Variants in LRRTM4 observed in about 807,000 individuals in gnomAD.
LRRTM4 encodes the protein leucine-rich repeat transmembrane neuronal protein 4.
Under a neutral mutation model 47.6 loss-of-function variants are expected in LRRTM4, and 25 were observed. The observed-to-expected ratio is 0.53, with a 90% CI of 0.38 to 0.73. LRRTM4 has a LOEUF of 0.73. Among genes scored for constraint, LRRTM4 ranks in the 30% least tolerant of loss-of-function variants. LRRTM4 has a pLI of 0.00. For synonymous variants in LRRTM4, 311 were observed against 269.5 expected, an observed-to-expected ratio of 1.15 and a Z score of -1.51; for missense variants, 638 against 713.4, an observed-to-expected ratio of 0.89 and a Z score of 1.20.
rs747917631 is a variant in LRRTM4 at position 77,282,274 on chromosome 2, G to A, written c.1551+236044C>T. Among the ~76,000 whole-genome samples the A allele has an allele frequency of 5.9e-5, 9 of 151,508 alleles. 1 individual carries two copies. The highest frequency in any genetic ancestry group is 2.0e-4 in the Admixed American group (3 of 15,138). On this transcript the variant is annotated intron_variant, in intron 3 of 3. Coordinates refer to ENST00000409884, the MANE Select transcript of LRRTM4 (RefSeq NM_001134745.3). ...TGGTGTATAAAAATGCCACTTATTT[G>A]TGTATACGCATTTTGTATCCTGAAA...
In LRRTM4 at chr2:76,764,104, T is replaced by C. The variant is rs1673362369; in HGVS notation, c.1552-15188A>G. ...AAACTGAATATTTAGCTAAGGAGAT[T>C]TCTAAGCAAAATATTGCAAGTGAAT... On this transcript the variant is annotated intron_variant, in intron 3 of 3. Coordinates refer to ENST00000409884, the MANE Select transcript of LRRTM4 (RefSeq NM_001134745.3). Among the ~76,000 whole-genome samples the C allele has an allele frequency of 2.6e-5, 4 of 152,264 alleles. No homozygotes were observed. In the South Asian group the frequency reaches 8.3e-4, roughly 32 times the overall value.
chr2:77,362,170 A>AAGGAAGGAAGG (rs1672263551), intron 3 of LRRTM4, among the ~76,000 whole-genome samples: 41 of 133,614 alleles, frequency 3.1e-4, no homozygotes, highest in East Asian at 6.8e-4. Context: ...AGAAAGAAAG[A>AAGGAAGGAAGG]AAGGAAGGAA....
chr2:77,169,816 A>G (rs1672993640), intron 3 of LRRTM4, among the ~76,000 whole-genome samples: 1 of 152,062 alleles, frequency 6.6e-6, no homozygotes, highest in South Asian at 2.1e-4. Context: ...AGTAACACAA[A>G]GTAGACTAAG....
chr2:77,370,100 C>T (rs965832668), intron 3 of LRRTM4, among the ~76,000 whole-genome samples: 13 of 151,596 alleles, frequency 8.6e-5, no homozygotes, highest in Admixed American at 6.6e-4. Context: ...AAGTCTGACT[C>T]GGGGAAAACC....
intron 3 of LRRTM4, among the ~76,000 whole-genome samples, chr2:77,105,318 T>A (rs925841588): frequency 1.3e-5 from 2 of 152,046 alleles, no homozygotes. Flanking sequence ...ATCCAGTCTA[T>A]CATTGTTGGA....
intron 3 of LRRTM4, among the ~76,000 whole-genome samples, chr2:77,313,626 C>T: frequency 6.6e-6 from 1 of 152,138 alleles, no homozygotes; most frequent in Admixed American, 6.5e-5. Context: ...TTGTTTTCAT[C>T]TGCTTTGAAG....
At chr2:77,126,524 G>A (rs1323778695) in intron 3 of LRRTM4, among the ~76,000 whole-genome samples, 4 of 152,136 alleles carry the variant, frequency 2.6e-5, no homozygotes, top group African/African-American at 7.2e-5. Flanking sequence ...CCAAAGCTAC[G>A]TATAATGGTG....
At chr2:76,811,636 G>A (rs1448779124) in intron 3 of LRRTM4, among the ~76,000 whole-genome samples, 1 of 152,160 alleles carries the variant, frequency 6.6e-6, no homozygotes, top group Non-Finnish European at 1.5e-5. Flanking sequence ...TAAAATGCAA[G>A]GGTTAGCATA....
chr2:76,906,903 C>T (rs1347286869), intron 3 of LRRTM4, among the ~76,000 whole-genome samples: 1 of 151,582 alleles, frequency 6.6e-6, no homozygotes, highest in Non-Finnish European at 1.5e-5. Flanking sequence ...TAATGGGAGA[C>T]TTTAACACCC....
intron 3 of LRRTM4, among the ~76,000 whole-genome samples, chr2:76,766,463 C>T (rs1673459703): frequency 6.6e-6 from 1 of 152,090 alleles, no homozygotes; most frequent in Non-Finnish European, 1.5e-5. Flanking sequence ...TAAATTAATC[C>T]ATGTCTTTGG....
intron 3 of LRRTM4, among the ~76,000 whole-genome samples, chr2:76,941,435 G>A (rs1230124737): frequency 6.6e-6 from 1 of 152,092 alleles, no homozygotes; most frequent in African/African-American, 2.4e-5. Flanking sequence ...ATCTACATTA[G>A]GTATTTATCC....
intron 3 of LRRTM4, among the ~76,000 whole-genome samples, chr2:76,927,109 T>C (rs1674612088): frequency 6.6e-6 from 1 of 152,190 alleles, no homozygotes; most frequent in South Asian, 2.1e-4. Context: ...GCAATACTTA[T>C]GTTCATGCAT....
intron 3 of LRRTM4, among the ~76,000 whole-genome samples, chr2:76,974,163 T>C (rs1676320293): frequency 1.4e-5 from 2 of 139,030 alleles, no homozygotes; most frequent in African/African-American, 5.7e-5. Context: ...TACATATATA[T>C]ATATACATAC....
chr2:76,911,917 G>A (rs1307893375), intron 3 of LRRTM4, among the ~76,000 whole-genome samples: 1 of 127,768 alleles, frequency 7.8e-6, no homozygotes, highest in Non-Finnish European at 1.6e-5. Context: ...CAAAGAGTGA[G>A]TTGTGGTATG....
chr2:77,051,616 T>C (rs1453455107), intron 3 of LRRTM4, among the ~76,000 whole-genome samples: 1 of 152,202 alleles, frequency 6.6e-6, no homozygotes, highest in East Asian at 1.9e-4. Flanking sequence ...ACATGTAATG[T>C]CATGGTCTGA....
intron 3 of LRRTM4, among the ~76,000 whole-genome samples, chr2:76,968,373 TATATATATATAC>T (rs1461066245): frequency 1.5e-5 from 2 of 133,704 alleles, no homozygotes; most frequent in African/African-American, 5.9e-5. Context: ...TATATATATA[TATATATATATAC>T]ACATACATAC....
Position 77,274,347 on chromosome 2 carries a change from C to T in LRRTM4, c.1551+243971G>A, listed in dbSNP as rs139791937. 1.0e-3 allele frequency among the ~76,000 whole-genome samples: 155 copies of T among 152,234 alleles called. 1 individual carries two copies. Among genetic ancestry groups the T allele is most frequent in the Non-Finnish European group, 1.2e-3 (84 of 67,996 alleles). On this transcript the variant is annotated intron_variant, in intron 3 of 3. Coordinates refer to ENST00000409884, the MANE Select transcript of LRRTM4 (RefSeq NM_001134745.3). Reference sequence around the variant, plus strand: ...CCTTGGCTTCCTGCTATATCTATATCTCAAATTGCAGAGAAACGTGGTGAA... The same window carrying T: ...CCTTGGCTTCCTGCTATATCTATATTTCAAATTGCAGAGAAACGTGGTGAA...
At chr2:77,080,569 G>A (rs2860082) in intron 3 of LRRTM4, among the ~76,000 whole-genome samples, 64,627 of 151,956 alleles carry the variant, frequency 0.43, 16,466 homozygotes, top group African/African-American at 0.7. Context: ...TGACCTTTCT[G>A]GAATCTACTT....
chr2:77,130,753 C>T (rs1244952416), intron 3 of LRRTM4, among the ~76,000 whole-genome samples: 6 of 150,596 alleles, frequency 4.0e-5, no homozygotes, highest in Admixed American at 6.6e-5. Flanking sequence ...CCTCATGATC[C>T]GCCCACCTCG....
Sources: allele counts gnomAD v4.1 joint callset (sites outside exome capture counted in the v4.1 genomes callset), GRCh38; gene constraint gnomAD v4.1.1; transcripts MANE v1.5; gene names NCBI Gene and HGNC (gene_info 2026-07-23, HGNC 2026-07-21).